Variants in NALCN observed in about 807,000 individuals in gnomAD.
NALCN encodes the protein sodium leak channel, non-selective.
A neutral mutation model predicts 225.3 loss-of-function variants in NALCN; 111 were observed. The observed-to-expected ratio is 0.49, with a 90% confidence interval of 0.42 to 0.58. The LOEUF is 0.58. NALCN is among the 20% of genes least tolerant of loss of function. NALCN has a pLI of 0.00. For synonymous variants in NALCN, 764 were observed against 769.0 expected, an observed-to-expected ratio of 0.99 and a Z score of 0.11; for missense variants, 1,378 against 2,202.4, an observed-to-expected ratio of 0.63 and a Z score of 7.49.
At chr13:101,369,193 T>C (rs1358850588) in intron 6 of NALCN, among the ~76,000 whole-genome samples, 1 of 151,842 alleles carries the variant, frequency 6.6e-6, no homozygotes, top group African/African-American at 2.4e-5. Context: ...TGTGTGTGTG[T>C]GTGTGTATGC....
chr13:101,415,208 CAT>C lies in NALCN; in HGVS notation c.-40+1103_-40+1104del, dbSNP rs1030463057. Among the ~76,000 whole-genome samples the C allele has an allele frequency of 3.8e-4, 41 of 107,736 alleles. 2 individuals are homozygous for C. The highest frequency in any genetic ancestry group is 4.8e-3 in the Middle Eastern group (1 of 208). 70.7% of individuals were successfully genotyped at this position (107,736 alleles called of 152,430 possible). A position where few individuals can be genotyped will look rare whatever the true frequency, so the allele number is the denominator to read the frequency against. The stretch of plus-strand genomic sequence containing the variant: ...TAGTTATGAACATACAAATCACACA[CAT>C]ATATATATATATATACATACATATA... On this transcript the variant is annotated intron_variant, in intron 1 of 43. Coordinates refer to ENST00000251127, the MANE Select transcript of NALCN (RefSeq NM_052867.4).
intron 6 of NALCN, among the ~76,000 whole-genome samples, chr13:101,357,569 T>C (rs1225202757): frequency 1.3e-5 from 2 of 152,144 alleles, no homozygotes; most frequent in East Asian, 1.9e-4. Context: ...TCCATCCTCA[T>C]GGATAGGAAG....
intron 28 of NALCN, among the ~76,000 whole-genome samples, chr13:101,093,705 A>C (rs986360467): frequency 1.3e-5 from 2 of 152,204 alleles, no homozygotes; most frequent in Non-Finnish European, 2.9e-5. Flanking sequence ...CTTTTCTCCA[A>C]ACACTACCTT....
chr13:101,289,934 G>A (rs1328093289), intron 9 of NALCN, among the ~76,000 whole-genome samples: 1 of 152,256 alleles, frequency 6.6e-6, no homozygotes, highest in East Asian at 1.9e-4. Context: ...GGTGGGCGGG[G>A]CCTGAAGCTC....
At chr13:101,245,864 A>AC (rs2041880103) in intron 11 of NALCN, among the ~76,000 whole-genome samples, 2 of 152,144 alleles carry the variant, frequency 1.3e-5, no homozygotes, top group Admixed American at 1.3e-4. Context: ...GCTTTTCCCA[A>AC]CCAGACACTT....
chr13:101,347,167 C>A (rs1042224158), intron 6 of NALCN, among the ~76,000 whole-genome samples: 2 of 124,240 alleles, frequency 1.6e-5, no homozygotes, highest in Non-Finnish European at 3.6e-5. Flanking sequence ...ACACACACAC[C>A]CCATGGCTGG....
chr13:101,368,922 C>T, intron 6 of NALCN: 1 of 250,804 alleles, frequency 4.0e-6, no homozygotes, highest in South Asian at 3.5e-5. Flanking sequence ...AGGAGAATCT[C>T]TTGAACCTGG....
At chr13:101,148,891 C>G (rs1428293959) in intron 15 of NALCN, among the ~76,000 whole-genome samples, 1 of 151,992 alleles carries the variant, frequency 6.6e-6, no homozygotes, top group African/African-American at 2.4e-5. Context: ...GTGGAGTATG[C>G]GTGTCCTTAG....
rs147771656 is a variant in NALCN, at chr13:101,178,336, A to G, written c.1765-1962T>C. Among the ~76,000 whole-genome samples, 1,036 of 152,244 alleles carry G rather than the reference A, an allele frequency of 6.8e-3. 14 individuals are homozygous for G. The highest frequency in any genetic ancestry group is 0.024 in the African/African-American group (987 of 41,544). ...TCATGTTTCCTCTCTCTCTAGTGAAAGTACAAACATGAATCTAAAAAAAGG... is the reference window on the plus strand; with the variant it reads ...TCATGTTTCCTCTCTCTCTAGTGAAGGTACAAACATGAATCTAAAAAAAGG... On this transcript the variant is annotated intron_variant, in intron 14 of 43. Transcript: ENST00000251127.
chr13:101,225,598 C>T (rs868178161), intron 13 of NALCN, among the ~76,000 whole-genome samples: 8 of 152,162 alleles, frequency 5.3e-5, no homozygotes, highest in African/African-American at 1.7e-4. Flanking sequence ...AGACTCCTTG[C>T]CTGGAGCAGT....
chr13:101,232,013 T>TA (rs397948527), intron 12 of NALCN, among the ~76,000 whole-genome samples: 1 of 150,658 alleles, frequency 6.6e-6, no homozygotes, highest in Non-Finnish European at 1.5e-5. Flanking sequence ...TTTTTTTTTT[T>TA]AATCCCCAAC....
intron 13 of NALCN, among the ~76,000 whole-genome samples, chr13:101,207,989 G>A (rs112584980): frequency 0.039 from 5,885 of 151,570 alleles, 364 homozygotes; most frequent in African/African-American, 0.14. Context: ...CTCCAGAGGC[G>A]CTGCCTTTAT....
chr13:101,416,918 C>G (rs1227877013), upstream of NALCN, among the ~76,000 whole-genome samples: 1 of 152,134 alleles, frequency 6.6e-6, no homozygotes, highest in Non-Finnish European at 1.5e-5. Context: ...AGGACTAGTT[C>G]CATTCCTGAG....
At chr13:101,281,681 T>G (rs2043173405) in intron 10 of NALCN, among the ~76,000 whole-genome samples, 1 of 151,992 alleles carries the variant, frequency 6.6e-6, no homozygotes, top group Non-Finnish European at 1.5e-5. Flanking sequence ...ATAAACAAAA[T>G]GAAAAGGCAG....
At chr13:101,259,434 C>T (rs189283340) in intron 10 of NALCN, among the ~76,000 whole-genome samples, 5 of 151,984 alleles carry the variant, frequency 3.3e-5, no homozygotes, top group Admixed American at 6.6e-5. Flanking sequence ...CCTGGATTCA[C>T]GTCATTCTCC....
chr13:101,275,316 C>T (rs1431880565), intron 10 of NALCN, among the ~76,000 whole-genome samples: 1 of 152,208 alleles, frequency 6.6e-6, no homozygotes, highest in Non-Finnish European at 1.5e-5. Context: ...AAAACAGAGG[C>T]AGGCTCACAG....
Position 101,079,884 on chromosome 13 carries a change from G to A in NALCN, c.3885+1643C>T, listed in dbSNP as rs995114268. Among the ~76,000 whole-genome samples the A allele has an allele frequency of 1.1e-4, 17 of 152,260 alleles. 1 individual carries two copies. Among genetic ancestry groups the A allele is most frequent in the Admixed American group, 8.5e-4 (13 of 15,288 alleles). On this transcript the variant is annotated intron_variant, in intron 34 of 43. Coordinates refer to ENST00000251127, the MANE Select transcript of NALCN (RefSeq NM_052867.4). ...CATGAGCACAGCGTCTCGTATTAAG[G>A]CAAGCCCTTTAGGATGTGTAAATGA...
intron 30 of NALCN, among the ~76,000 whole-genome samples, chr13:101,084,409 T>C (rs936491591): frequency 2.0e-5 from 3 of 152,296 alleles, no homozygotes; most frequent in East Asian, 3.9e-4. Context: ...TATTTTATCA[T>C]AAAAGCTGAA....
intron 10 of NALCN, among the ~76,000 whole-genome samples, chr13:101,275,963 C>G (rs71439700): frequency 6.8e-6 from 1 of 147,736 alleles, no homozygotes; most frequent in South Asian, 2.2e-4. Flanking sequence ...ACTCAGGAGG[C>G]TGAGGCAGGA....
Sources: gnomAD v4.1 joint callset for allele counts (sites outside exome capture counted in the v4.1 genomes callset) on GRCh38, gnomAD v4.1.1 for gene constraint, MANE v1.5 for transcripts, NCBI Gene and HGNC (gene_info 2026-07-23, HGNC 2026-07-21) for gene names.